The following ZNF394 variants were observed in gnomAD, a reference collection of about 807,000 sequenced individuals.
ZNF394 encodes zinc finger protein 99.
ZNF394 carries 19 observed loss-of-function variants against 21.8 expected under a neutral mutation model. The observed-to-expected ratio is 0.87, with a 90% CI of 0.61 to 1.28. The LOEUF is 1.28. ZNF394 is among the 50% of genes most tolerant of loss of function. ZNF394 has a pLI of 0.00. For synonymous variants in ZNF394, 294 were observed against 273.3 expected (o/e 1.08, Z -0.75); for missense variants, 683 against 708.6 (o/e 0.96, Z 0.41).
At chr7:99,493,207 G>C, downstream of ZNF394, 1 of 1,066,126 alleles carries the variant, frequency 9.4e-7, no homozygotes. Flanking sequence ...ATGTGGTTCT[G>C]GACAAGAAAA....
downstream of ZNF394, among the ~76,000 whole-genome samples, chr7:99,488,633 A>G (rs1487808551): frequency 6.6e-6 from 1 of 151,932 alleles, no homozygotes; most frequent in African/African-American, 2.4e-5. Flanking sequence ...AAGAACTAAA[A>G]GTTGCCCATA....
downstream of ZNF394, among the ~76,000 whole-genome samples, chr7:99,491,427 T>C (rs115617177): frequency 3.4e-3 from 525 of 152,260 alleles, 1 homozygote; most frequent in African/African-American, 0.012. Context: ...GTTAAACCCA[T>C]TGGAATTTCC....
rs141973976 is a variant in ZNF394, at chr7:99,487,685, C to CT, written n.84-723dup. ...CTTGGGCAACACAGTGAGATCCCATCTCTACAAAAAATAACAAAGCCAGGT... is the reference window on the plus strand; with the variant it reads ...CTTGGGCAACACAGTGAGATCCCATCTTCTACAAAAAATAACAAAGCCAGGT... On this transcript the variant is annotated intron_variant and non_coding_transcript_variant, in intron 1 of 1. Transcript: ENST00000462024. 2,267 of 587,580 alleles carry CT rather than the reference C, an allele frequency of 3.9e-3. 24 individuals carry two copies. The highest frequency in any genetic ancestry group is 0.036 in the African/African-American group (1,892 of 52,872). The allele number at this position is 587,580 out of a possible 1,614,324, so 36.4% of individuals were successfully genotyped here.
chr7:99,493,474 T>A lies in ZNF394; in HGVS notation c.*55A>T. On this transcript the variant is annotated 3_prime_UTR_variant, in exon 3 of 3. Transcript: ENST00000337673. ...ATTTTACCATGTTGGCCAGGCTGGT[T>A]TCAAACTCCTGATCTCAAATGATCT... The A allele has an allele frequency of 6.9e-7, 1 of 1,452,288 alleles. No individual in the cohort carries two copies. The highest frequency in any genetic ancestry group is 9.3e-7 in the Non-Finnish European group (1 of 1,076,652). 90.0% of individuals were successfully genotyped at this position (1,452,288 alleles called of 1,614,324 possible). A position where few individuals can be genotyped will look rare whatever the true frequency, so the allele number is the denominator to read the frequency against.
downstream of ZNF394, among the ~76,000 whole-genome samples, chr7:99,490,352 G>A (rs1014930376): frequency 1.2e-4 from 18 of 151,736 alleles, no homozygotes; most frequent in African/African-American, 3.1e-4. Context: ...ATGGGGTTTC[G>A]TTCGCCATGT....
chr7:99,494,217 T>C lies in ZNF394; in HGVS notation c.998A>G (p.Lys333Arg). The C allele has an allele frequency of 6.2e-7, 1 of 1,614,262 alleles. No homozygotes were observed. Among genetic ancestry groups the C allele is most frequent in the Non-Finnish European group, 8.5e-7 (1 of 1,180,052 alleles). The part of the protein sequence containing the change: ...MVTWHVLKPH[K>R]SDSGDSFHHS... Reference sequence around the variant, plus strand: ...ATGGAAACTGTCTCCACTGTCAGACTTGTGAGGTTTCAGCACGTGCCACGT... The same window carrying C: ...ATGGAAACTGTCTCCACTGTCAGACCTGTGAGGTTTCAGCACGTGCCACGT... The change falls in exon 3 of 3, where the codon AAG becomes AGG. Residue 333 changes from lysine to arginine, a missense_variant. Coordinates refer to ENST00000337673, the MANE Select transcript of ZNF394 (RefSeq NM_032164.4).
downstream of ZNF394, among the ~76,000 whole-genome samples, chr7:99,492,734 T>C (rs1232189204): frequency 6.7e-6 from 1 of 149,892 alleles, no homozygotes; most frequent in African/African-American, 2.5e-5. Context: ...GGCAGGAGGA[T>C]TCCTTGAGCC....
intron 2 of ZNF394, among the ~76,000 whole-genome samples, chr7:99,497,122 G>GTGTGTGTATATATATATA (rs1322382800): frequency 3.8e-5 from 3 of 79,450 alleles, no homozygotes; most frequent in Admixed American, 1.4e-4. Context: ...GTGTGTGTGT[G>GTGTGTGTATATATATATA]TATATATATA....
chr7:99,487,681 C>T, intron 1 of ZNF394: 1 of 597,520 alleles, frequency 1.7e-6, no homozygotes, highest in Non-Finnish European at 2.8e-6. Context: ...CAGTGAGATC[C>T]CATCTCTACA....
At position 99,493,806 on chromosome 7, in the gene ZNF394, T is replaced by G; in HGVS notation, c.1409A>C (p.Lys470Thr). 1 of 1,614,024 alleles carries G rather than the reference T, an allele frequency of 6.2e-7. No homozygotes were observed. Among genetic ancestry groups the G allele is most frequent in the Non-Finnish European group, 8.5e-7 (1 of 1,180,004 alleles). Residue 470 changes from lysine (K) to threonine (T), a missense_variant, in exon 3 of 3, where the codon AAG becomes ACG. Transcript: ENST00000337673. ...QRLHKGERPYKCEECEKSFKQ... is the reference protein window; with the variant it reads ...QRLHKGERPYTCEECEKSFKQ... Reference sequence around the variant, plus strand: ...GAAGCTCTTCTCGCATTCTTCACACTTATAGGGTCTTTCCCCTTTATGTAG... The same window carrying G: ...GAAGCTCTTCTCGCATTCTTCACACGTATAGGGTCTTTCCCCTTTATGTAG...
Position 99,498,801 on chromosome 7 carries a change from C to A in ZNF394, c.498G>T (p.Trp166Cys), listed in dbSNP as rs1480316849. ...CTGGGTCCAGGCGCTCCCACTCCTC[C>A]CAGGTTAGAGACACAGCCGTGTCCT... ...TFEDTAVSLTWEEWERLDPAR... is the reference protein window; with the variant it reads ...TFEDTAVSLTCEEWERLDPAR... Residue 166 changes from tryptophan (W) to cysteine (C), a missense_variant, in exon 2 of 3, where the codon TGG (tryptophan) becomes TGT (cysteine). Trp to Cys is a radical substitution (Grantham distance 215, BLOSUM62 -2). Transcript: ENST00000337673. The A allele has an allele frequency of 2.5e-6, 4 of 1,613,964 alleles. No homozygotes were observed. In the African/African-American group the frequency reaches 5.3e-5, roughly 22 times the overall value.
At chr7:99,492,815 G>C (rs1236706091), downstream of ZNF394, among the ~76,000 whole-genome samples, 1 of 151,070 alleles carries the variant, frequency 6.6e-6, no homozygotes, top group African/African-American at 2.4e-5. Flanking sequence ...AGCTGGGTGT[G>C]GTGGTGTGTG....
chr7:99,499,679 C>T lies in ZNF394; in HGVS notation c.415G>A (p.Val139Met). The change falls in exon 1 of 3, where the codon GTG becomes ATG. Residue 139 changes from valine to methionine, a missense_variant. Val to Met is a conservative substitution (Grantham distance 21). Around this residue, in one of 3 missense-constraint regions of ZNF394, gnomAD observed 402 missense variants for 373.8 expected, o/e 1.08. Coordinates refer to ENST00000337673, the MANE Select transcript of ZNF394 (RefSeq NM_032164.4). ...PESGEEAVAV[V>M]RALQRALDGT... ...TCGAGCGCTCGCTGCAGAGCCCGCA[C>T]CACGGCCACCGCCTCCTCCCCGCTC... The T allele has an allele frequency of 2.5e-6, 4 of 1,610,160 alleles. No individual in the cohort carries two copies. Among genetic ancestry groups the T allele is most frequent in the Non-Finnish European group, 1.7e-6 (2 of 1,179,158 alleles).
intron 1 of ZNF394, among the ~76,000 whole-genome samples, chr7:99,488,238 G>A (rs920665418): frequency 6.6e-6 from 1 of 151,810 alleles, no homozygotes; most frequent in Non-Finnish European, 1.5e-5. Flanking sequence ...GGTTGTGAAT[G>A]ATTGAAGGTT....
intron 2 of ZNF394, among the ~76,000 whole-genome samples, chr7:99,497,349 T>C (rs1800367386): frequency 1.3e-5 from 2 of 150,484 alleles, no homozygotes; most frequent in Admixed American, 6.6e-5. Flanking sequence ...TAATTCTTTT[T>C]TCTGTATTTT....
In ZNF394 at chr7:99,493,960, A is replaced by G; in HGVS notation, c.1255T>C (p.Cys419Arg). 1.2e-6 allele frequency: 2 copies of G among 1,614,250 alleles called. No homozygotes were observed. Among genetic ancestry groups the G allele is most frequent in the South Asian group, 1.1e-5 (1 of 91,090 alleles). Residue 419 changes from cysteine (C) to arginine (R), a missense_variant, in exon 3 of 3, where the codon TGT (cysteine) becomes CGT (arginine). Physicochemically the swap from Cys to Arg is radical, Grantham distance 180 (BLOSUM62 -3). Coordinates refer to ENST00000337673, the MANE Select transcript of ZNF394 (RefSeq NM_032164.4). ...GAATTCTGCCTGAAGCGCTCCCCACATTTCAGACAGGTGTACGGCTTCTCG... is the reference window on the plus strand; with the variant it reads ...GAATTCTGCCTGAAGCGCTCCCCACGTTTCAGACAGGTGTACGGCTTCTCG... ...TGEKPYTCLK[C>R]GERFRQNSHL...
At chr7:99,488,159 G>A (rs1325729611) in intron 1 of ZNF394, among the ~76,000 whole-genome samples, 1 of 151,538 alleles carries the variant, frequency 6.6e-6, no homozygotes, top group Non-Finnish European at 1.5e-5. Context: ...ATTCCCTCCA[G>A]CCTAGTTAAG....
At chr7:99,498,231 A>G (rs947995655) in intron 2 of ZNF394, 1 of 153,300 alleles carries the variant, frequency 6.5e-6, no homozygotes, top group Non-Finnish European at 1.5e-5. Flanking sequence ...TCAAAAATGT[A>G]ATGTTGAGTA....
At position 99,499,972 on chromosome 7, in the gene ZNF394, A is replaced by G; in HGVS notation, c.122T>C (p.Val41Ala). ...CCAACTTCCGGGTGAGTCTTCCTCCACTTTCACGGGCAAAAGTCCGTCGCG... is the reference window on the plus strand; with the variant it reads ...CCAACTTCCGGGTGAGTCTTCCTCCGCTTTCACGGGCAAAAGTCCGTCGCG... ...SQRDGLLPVK[V>A]EEDSPGSWEP... The change falls in exon 1 of 3, where the codon GTG becomes GCG. Residue 41 changes from valine to alanine, a missense_variant. Around this residue, in one of 3 missense-constraint regions of ZNF394, gnomAD observed 402 missense variants for 373.8 expected, o/e 1.08. Transcript: ENST00000337673. The G allele has an allele frequency of 6.2e-7, 1 of 1,613,396 alleles. No individual in the cohort carries two copies. The highest frequency in any genetic ancestry group is 8.5e-7 in the Non-Finnish European group (1 of 1,179,988).
Sources: gnomAD v4.1 joint callset for allele counts (sites outside exome capture counted in the v4.1 genomes callset) on GRCh38, gnomAD v4.1.1 for gene constraint, gnomAD v4.1.1 regional missense constraint, MANE v1.5 for transcripts, NCBI Gene and HGNC (gene_info 2026-07-23, HGNC 2026-07-21) for gene names.